Variants in RPS6KA5 observed in about 807,000 individuals in gnomAD.
RPS6KA5 encodes the protein ribosomal protein S6 kinase alpha-5.
In RPS6KA5, 27 loss-of-function variants were observed where a neutral mutation model predicts 85.5. That is an observed-to-expected ratio of 0.32 (90% CI 0.23 to 0.44). The LOEUF (loss-of-function observed/expected upper bound fraction) is 0.44, where lower values mean the gene tolerates loss of function less well. RPS6KA5 is among the 20% of genes least tolerant of loss of function. The pLI is 1.00. For synonymous variants in RPS6KA5, 334 were observed against 348.2 expected (o/e 0.96, Z 0.46); for missense variants, 811 against 980.9 (o/e 0.83, Z 2.31).
At chr14:91,001,362 T>C (rs1320880011) in intron 1 of RPS6KA5, among the ~76,000 whole-genome samples, 1 of 152,178 alleles carries the variant, frequency 6.6e-6, no homozygotes, top group African/African-American at 2.4e-5. Context: ...TTTTTTGGAA[T>C]TTAGGAACTA....
chr14:90,902,746 A>G lies in RPS6KA5; in HGVS notation c.1119+62T>C, dbSNP rs2035244493. On this transcript the variant is annotated intron_variant, in intron 9 of 16. Coordinates refer to ENST00000614987, the MANE Select transcript of RPS6KA5 (RefSeq NM_004755.4). Reference sequence around the variant, plus strand: ...CAACAAAACTACTTCAATATGGGAAATTTAATCTTTTCTTTCAAAGGACAT... The same window carrying G: ...CAACAAAACTACTTCAATATGGGAAGTTTAATCTTTTCTTTCAAAGGACAT... 2.0e-6 allele frequency: 3 copies of G among 1,479,346 alleles called. No individual in the cohort carries two copies. In the East Asian group the frequency reaches 6.9e-5, roughly 34 times the overall value. 91.6% of individuals were successfully genotyped at this position (1,479,346 alleles called of 1,614,324 possible). A position where few individuals can be genotyped will look rare whatever the true frequency, so the allele number is the denominator to read the frequency against.
At chr14:90,999,055 C>T (rs574108757) in intron 2 of RPS6KA5, among the ~76,000 whole-genome samples, 1 of 152,042 alleles carries the variant, frequency 6.6e-6, no homozygotes, top group African/African-American at 2.4e-5. Flanking sequence ...CGGTGAAACC[C>T]GAATTAGCTG....
intron 3 of RPS6KA5, among the ~76,000 whole-genome samples, chr14:90,969,336 T>C (rs761680325): frequency 6.6e-6 from 1 of 152,240 alleles, no homozygotes; most frequent in Non-Finnish European, 1.5e-5. Flanking sequence ...AGGCTGCTCG[T>C]CTTTGCACAT....
At chr14:90,994,890 T>C (rs1165517546) in intron 2 of RPS6KA5, among the ~76,000 whole-genome samples, 1 of 151,896 alleles carries the variant, frequency 6.6e-6, no homozygotes, top group African/African-American at 2.4e-5. Flanking sequence ...TAATTTTTGA[T>C]AGTAAAATCA....
chr14:91,060,233 A>G (rs1438932178), intron 1 of RPS6KA5, 99 bp downstream of exon 1: 1 of 944,146 alleles, frequency 1.1e-6, no homozygotes, highest in Non-Finnish European at 1.3e-6. Context: ...CTCCGCGCCC[A>G]CGGCTGCGGC....
At chr14:90,910,287 T>C (rs941769422) in intron 7 of RPS6KA5, among the ~76,000 whole-genome samples, 1 of 152,098 alleles carries the variant, frequency 6.6e-6, no homozygotes, top group African/African-American at 2.4e-5. Context: ...AAAATGAATA[T>C]AAAATTTCTT....
intron 13 of RPS6KA5, 78 bp downstream of exon 13, chr14:90,894,335 A>G (rs2034716464): frequency 7.1e-7 from 1 of 1,406,110 alleles, no homozygotes; most frequent in Non-Finnish European, 9.3e-7. Context: ...AAACCTCCCC[A>G]GAAACTTCCC....
chr14:90,899,569 G>C lies in RPS6KA5; in HGVS notation c.1380-147C>G, dbSNP rs1291321415. ...GTAATGAGGTTTCCATGAAAGTAAT[G>C]AATTATACCACACACTAGAAAAAGT... On this transcript the variant is annotated intron_variant, in intron 11 of 16. Coordinates refer to ENST00000614987, the MANE Select transcript of RPS6KA5 (RefSeq NM_004755.4). 5.4e-6 allele frequency: 3 copies of C among 557,832 alleles called. No individual in the cohort carries two copies. The African/African-American group carries it at 5.8e-5, about 11-fold the overall frequency. 34.6% of individuals were successfully genotyped at this position (557,832 alleles called of 1,614,324 possible). A position where few individuals can be genotyped will look rare whatever the true frequency, so the allele number is the denominator to read the frequency against.
chr14:90,906,476 A>C (rs961048264), intron 7 of RPS6KA5, among the ~76,000 whole-genome samples, 177 bp from the exon 8 acceptor site: 4 of 152,198 alleles, frequency 2.6e-5, no homozygotes, highest in Admixed American at 6.5e-5. Context: ...CCATAAAGTC[A>C]AATTTCTGAA....
At chr14:90,983,578 G>A (rs1195438175) in intron 2 of RPS6KA5, among the ~76,000 whole-genome samples, 1 of 151,542 alleles carries the variant, frequency 6.6e-6, no homozygotes, top group African/African-American at 2.4e-5. Context: ...TCCAGCCTGG[G>A]CAACAGGGCA....
At chr14:91,007,389 A>C (rs978167582) in intron 1 of RPS6KA5, among the ~76,000 whole-genome samples, 3 of 152,224 alleles carry the variant, frequency 2.0e-5, no homozygotes, top group Non-Finnish European at 4.4e-5. Flanking sequence ...TGACCACATG[A>C]GTTGTTAAAT....
chr14:90,885,410 G>GGGCGTA (rs1401141732), intron 14 of RPS6KA5, among the ~76,000 whole-genome samples: 1 of 150,770 alleles, frequency 6.6e-6, no homozygotes, highest in Non-Finnish European at 1.5e-5. Flanking sequence ...AAAATTAGCC[G>GGGCGTA]GGCGTAGTGG....
chr14:91,055,357 A>G (rs2043270806), intron 1 of RPS6KA5, among the ~76,000 whole-genome samples: 1 of 152,234 alleles, frequency 6.6e-6, no homozygotes, highest in Non-Finnish European at 1.5e-5. Flanking sequence ...TATTTACAAT[A>G]GCCAAAAGGT....
At chr14:91,055,180 AT>A (rs1158028914) in intron 1 of RPS6KA5, among the ~76,000 whole-genome samples, 1 of 152,174 alleles carries the variant, frequency 6.6e-6, no homozygotes, top group Non-Finnish European at 1.5e-5. Flanking sequence ...ATATAAAATG[AT>A]ACAGCCACTC....
chr14:91,012,896 G>A (rs994050382), intron 1 of RPS6KA5, among the ~76,000 whole-genome samples: 1 of 152,134 alleles, frequency 6.6e-6, no homozygotes, highest in Admixed American at 6.5e-5. Context: ...GTGGGGAAGG[G>A]GATCTTTATC....
chr14:90,863,882 G>A lies in RPS6KA5; in HGVS notation c.*8192C>T, dbSNP rs1449720376. 1 of 152,084 alleles carries A rather than the reference G, an allele frequency of 6.6e-6. No homozygotes were observed. The highest frequency in any genetic ancestry group is 1.5e-5 in the Non-Finnish European group (1 of 68,024). 9.4% of individuals were successfully genotyped at this position (152,084 alleles called of 1,614,324 possible). On this transcript the variant is annotated 3_prime_UTR_variant, in exon 17 of 17. Transcript: ENST00000614987. ...ATCCTCTGCCCCCAAAACTAACAAG[G>A]TGATTCTAAAATGTATATGGAAATG...
intron 3 of RPS6KA5, among the ~76,000 whole-genome samples, chr14:90,967,421 T>C (rs940360692): frequency 6.6e-6 from 1 of 152,160 alleles, no homozygotes; most frequent in Non-Finnish European, 1.5e-5. Flanking sequence ...ATAGCTCCTA[T>C]TATTATTTAC....
chr14:91,017,323 T>C (rs1002795194), intron 1 of RPS6KA5, among the ~76,000 whole-genome samples: 1 of 152,230 alleles, frequency 6.6e-6, no homozygotes, highest in African/African-American at 2.4e-5. Flanking sequence ...TTGCCTTCCC[T>C]GCACACAATA....
chr14:90,918,462 C>T (rs1291678283), intron 7 of RPS6KA5, among the ~76,000 whole-genome samples: 1 of 152,130 alleles, frequency 6.6e-6, no homozygotes, highest in Non-Finnish European at 1.5e-5. Flanking sequence ...AATTTTATCC[C>T]AGTCTGTGGC....
Sources: gnomAD v4.1 joint callset for allele counts (sites outside exome capture counted in the v4.1 genomes callset) on GRCh38, gnomAD v4.1.1 for gene constraint, MANE v1.5 for transcripts, NCBI Gene and HGNC (gene_info 2026-07-23, HGNC 2026-07-21) for gene names.